The following TTC28 variants were observed in gnomAD, a reference collection of about 807,000 sequenced individuals.
TTC28 encodes the protein tetratricopeptide repeat protein 28.
A neutral mutation model predicts 198.0 loss-of-function variants in TTC28; 61 were observed. That is an observed-to-expected ratio of 0.31 (90% CI 0.25 to 0.38). TTC28 has a LOEUF of 0.38. Among genes scored for constraint, TTC28 ranks in the 10% least tolerant of loss-of-function variants. The pLI, the probability that TTC28 is intolerant of heterozygous loss-of-function variation, is 1.00. For missense variants in TTC28, 2,678 were observed against 3,164.0 expected, an observed-to-expected ratio of 0.85 and a Z score of 3.69; for synonymous variants, 1,171 against 1,297.8, an observed-to-expected ratio of 0.90 and a Z score of 2.10.
At chr22:28,583,083 C>T (rs1410911638) in intron 2 of TTC28, among the ~76,000 whole-genome samples, 1 of 152,134 alleles carries the variant, frequency 6.6e-6, no homozygotes, top group Non-Finnish European at 1.5e-5. Flanking sequence ...GCATTTCTCA[C>T]AGCCTGTTGC....
chr22:28,244,503 C>T (rs1310520703), intron 5 of TTC28, among the ~76,000 whole-genome samples: 2 of 152,180 alleles, frequency 1.3e-5, no homozygotes, highest in Admixed American at 6.5e-5. Flanking sequence ...AAACACACTG[C>T]TATATCTAAA....
At chr22:28,457,845 A>T (rs2047886769) in intron 2 of TTC28, among the ~76,000 whole-genome samples, 1 of 152,176 alleles carries the variant, frequency 6.6e-6, no homozygotes, top group African/African-American at 2.4e-5. Context: ...GTGATTTGAT[A>T]TTCTAATTAA....
chr22:28,579,175 T>C (rs947251635), intron 2 of TTC28, among the ~76,000 whole-genome samples: 1 of 151,090 alleles, frequency 6.6e-6, no homozygotes, highest in Non-Finnish European at 1.5e-5. Context: ...GCTACACGTA[T>C]GTATAGTTAT....
At chr22:28,081,761 G>A (rs1395992114) in intron 12 of TTC28, among the ~76,000 whole-genome samples, 1 of 152,140 alleles carries the variant, frequency 6.6e-6, no homozygotes. Flanking sequence ...CAAAGTGCTG[G>A]GATTACAGGC....
At chr22:28,611,463 C>T (rs1297342295) in intron 2 of TTC28, among the ~76,000 whole-genome samples, 2 of 150,018 alleles carry the variant, frequency 1.3e-5, no homozygotes, top group East Asian at 3.9e-4. Flanking sequence ...TCCAGCCAAA[C>T]TAAGCTTCAT....
At chr22:28,371,957 T>C (rs2046345028) in intron 2 of TTC28, among the ~76,000 whole-genome samples, 2 of 151,712 alleles carry the variant, frequency 1.3e-5, no homozygotes, top group African/African-American at 2.4e-5. Context: ...GACGTGGTGG[T>C]GTGTGCCTGT....
chr22:27,995,332 C>T (rs373034853), intron 17 of TTC28, among the ~76,000 whole-genome samples: 12 of 152,182 alleles, frequency 7.9e-5, no homozygotes, highest in African/African-American at 2.4e-4. Context: ...TGTTCACCCA[C>T]GCTGCATGGG....
chr22:28,551,811 C>A (rs771132390), intron 2 of TTC28, among the ~76,000 whole-genome samples: 3 of 152,174 alleles, frequency 2.0e-5, no homozygotes, highest in Non-Finnish European at 2.9e-5. Context: ...CCCCTGTGAA[C>A]TGGAACAAGA....
intron 2 of TTC28, among the ~76,000 whole-genome samples, chr22:28,353,406 G>C (rs951128363): frequency 7.2e-5 from 11 of 152,146 alleles, no homozygotes; most frequent in African/African-American, 2.7e-4. Context: ...GAAAAAAGAA[G>C]TGCAAAGTTG....
At chr22:28,115,705 T>C (rs1440449050) in intron 6 of TTC28, among the ~76,000 whole-genome samples, 16 of 152,270 alleles carry the variant, frequency 1.1e-4, no homozygotes, top group Admixed American at 9.8e-4. Context: ...GTCTCCTTTT[T>C]CTACTAAACC....
chr22:28,347,472 A>G (rs1031378686), intron 2 of TTC28, among the ~76,000 whole-genome samples: 1 of 152,144 alleles, frequency 6.6e-6, no homozygotes, highest in African/African-American at 2.4e-5. Context: ...TTACTCATAC[A>G]CAATATAGAT....
At chr22:28,085,940 T>G (rs1312967593) in intron 12 of TTC28, among the ~76,000 whole-genome samples, 1 of 152,080 alleles carries the variant, frequency 6.6e-6, no homozygotes, top group Non-Finnish European at 1.5e-5. Context: ...GGTAAAGGGA[T>G]CAATTCAACA....
intron 2 of TTC28, among the ~76,000 whole-genome samples, chr22:28,328,753 CAAAAATAAT>C (rs1386386932): frequency 1.0e-5 from 1 of 96,244 alleles, no homozygotes; most frequent in Non-Finnish European, 2.0e-5. Context: ...GACTCTGTCT[CAAAAATAAT>C]AATAATAATA....
At chr22:28,468,232 AG>A (rs2048051174) in intron 2 of TTC28, among the ~76,000 whole-genome samples, 1 of 152,208 alleles carries the variant, frequency 6.6e-6, no homozygotes, top group South Asian at 2.1e-4. Context: ...GGATCCCTGC[AG>A]CACGTCTGCA....
chr22:28,304,276 C>T lies in TTC28; in HGVS notation c.529+2220G>A, dbSNP rs1422382696. On this transcript the variant is annotated intron_variant, in intron 3 of 22. Coordinates refer to ENST00000397906, the MANE Select transcript of TTC28 (RefSeq NM_001145418.2). ...CTCCAGCCTGGGCGACAGAGCGAGA[C>T]TCCATCTCAAAAAAAAAAAAAAGTA... Among the ~76,000 whole-genome samples the T allele has an allele frequency of 1.3e-5, 2 of 149,738 alleles. 1 individual carries two copies. The highest frequency in any genetic ancestry group is 3.9e-4 in the East Asian group (2 of 5,126).
intron 5 of TTC28, among the ~76,000 whole-genome samples, chr22:28,185,470 A>T (rs1924108025): frequency 6.6e-6 from 1 of 152,178 alleles, no homozygotes; most frequent in Non-Finnish European, 1.5e-5. Context: ...ATACAACACA[A>T]ATTCTTACTA....
intron 14 of TTC28, among the ~76,000 whole-genome samples, chr22:28,012,776 T>C (rs1938212439): frequency 6.6e-6 from 1 of 152,190 alleles, no homozygotes; most frequent in South Asian, 2.1e-4. Flanking sequence ...CCTCCCAAAG[T>C]GCTGGGATTA....
intron 2 of TTC28, among the ~76,000 whole-genome samples, chr22:28,530,707 T>A (rs184294748): frequency 6.6e-6 from 1 of 152,284 alleles, no homozygotes; most frequent in East Asian, 1.9e-4. Context: ...TAACAGCAGA[T>A]GTCTCGGCAG....
intron 5 of TTC28, among the ~76,000 whole-genome samples, chr22:28,258,106 C>A (rs774652816): frequency 2.6e-5 from 4 of 152,014 alleles, no homozygotes; most frequent in Non-Finnish European, 5.9e-5. Flanking sequence ...AGTTGGGATA[C>A]TGAAGTGGTG....
Sources: allele counts gnomAD v4.1 joint callset (sites outside exome capture counted in the v4.1 genomes callset), GRCh38; gene constraint gnomAD v4.1.1; transcripts MANE v1.5; gene names NCBI Gene and HGNC (gene_info 2026-07-23, HGNC 2026-07-21).